SLC4A5: variants seen among roughly 807,000 people sequenced by gnomAD.
The protein encoded by SLC4A5 is electrogenic sodium bicarbonate cotransporter 4.
In SLC4A5, 96 loss-of-function variants were observed where a neutral mutation model predicts 120.4. That is an observed-to-expected ratio of 0.80 (90% CI 0.68 to 0.94). The LOEUF (loss-of-function observed/expected upper bound fraction) is 0.94, where lower values mean the gene tolerates loss of function less well. SLC4A5 is among the 40% of genes least tolerant of loss of function. The probability of loss-of-function intolerance (pLI) is 0.00; values close to 1 mark genes in which losing one functional copy is unlikely to be tolerated. For missense variants in SLC4A5, 1,259 were observed against 1,459.5 expected, an observed-to-expected ratio of 0.86 and a Z score of 2.24; for synonymous variants, 550 against 571.1, an observed-to-expected ratio of 0.96 and a Z score of 0.53.
At position 74,255,199 on chromosome 2, in the gene SLC4A5, G is replaced by A. The variant is rs2104004823; in HGVS notation, c.1026-493C>T. Among the ~76,000 whole-genome samples the A allele has an allele frequency of 6.6e-6, 1 of 152,226 alleles. No individual in the cohort carries two copies. The highest frequency in any genetic ancestry group is 2.4e-5 in the African/African-American group (1 of 41,530). On this transcript the variant is annotated intron_variant, in intron 13 of 30. Coordinates refer to ENST00000394019, the Ensembl canonical transcript of SLC4A5. This position sits in a 1 kb window ranked among gnomAD's most constrained non-coding sequence, Gnocchi z 4.0. Reference sequence around the variant, plus strand: ...ACATTTCCTCTTCCCCTCCCATGAGGCTCCCCCTTGAGCATCCTCACCTTT... The same window carrying A: ...ACATTTCCTCTTCCCCTCCCATGAGACTCCCCCTTGAGCATCCTCACCTTT...
chr2:74,253,675 A>G (rs1420131175), intron 14 of SLC4A5, among the ~76,000 whole-genome samples: 1 of 152,230 alleles, frequency 6.6e-6, no homozygotes, highest in Non-Finnish European at 1.5e-5. Flanking sequence ...TTGAGGCCGA[A>G]GCAAATCTGA....
chr2:74,315,144 A>G, intron 5 of SLC4A5, 119 bp from the exon 6 acceptor site: 1 of 869,024 alleles, frequency 1.2e-6, no homozygotes, highest in Non-Finnish European at 1.9e-6. Context: ...AAAAACTAAG[A>G]CAAAAGGACA....
chr2:74,313,016 CTT>C (rs371111831), intron 6 of SLC4A5, among the ~76,000 whole-genome samples: 13 of 124,584 alleles, frequency 1.0e-4, no homozygotes, highest in Admixed American at 7.9e-5. Context: ...GGCACTTGTC[CTT>C]TTTTTTTTTT....
chr2:74,254,514 A>G (rs1230682944), intron 14 of SLC4A5, 105 bp downstream of exon 14: 29 of 842,808 alleles, frequency 3.4e-5, no homozygotes, highest in Non-Finnish European at 5.9e-5. Context: ...CCTGGTACAC[A>G]GTAGGTGCTC....
At chr2:74,226,832 A>G in intron 27 of SLC4A5, 125 bp downstream of exon 27, 1 of 1,114,606 alleles carries the variant, frequency 9.0e-7, no homozygotes, top group East Asian at 2.4e-5. Flanking sequence ...AGCCTCCGTG[A>G]CCCGAGGGAG....
At chr2:74,242,412 C>T (rs1340365521) in intron 19 of SLC4A5, among the ~76,000 whole-genome samples, 1 of 152,202 alleles carries the variant, frequency 6.6e-6, no homozygotes, top group Non-Finnish European at 1.5e-5. Flanking sequence ...TAAAAATGTT[C>T]AAAGAACTTA....
intron 2 of SLC4A5, among the ~76,000 whole-genome samples, chr2:74,341,994 A>G (rs1268788007): frequency 1.3e-5 from 2 of 152,242 alleles, no homozygotes; most frequent in Non-Finnish European, 2.9e-5. Flanking sequence ...TCCTGTCCTC[A>G]AAACTATATA....
chr2:74,306,789 G>A (rs1672658793), intron 6 of SLC4A5: 1 of 785,184 alleles, frequency 1.3e-6, no homozygotes, highest in Non-Finnish European at 2.1e-6. Flanking sequence ...TATCCAGTGG[G>A]TAGTGTTCTT....
intron 5 of SLC4A5, among the ~76,000 whole-genome samples, chr2:74,316,627 G>C (rs1672973728): frequency 6.6e-6 from 1 of 152,224 alleles, no homozygotes; most frequent in African/African-American, 2.4e-5. Context: ...CAAGGGTTAA[G>C]TTATACACGC....
intron 19 of SLC4A5, among the ~76,000 whole-genome samples, chr2:74,244,462 TTC>T: frequency 1.3e-5 from 1 of 78,454 alleles, no homozygotes; most frequent in East Asian, 4.1e-4. Flanking sequence ...TTCCTTCCTT[TTC>T]TTTCTCTTTC....
At chr2:74,294,072 G>A (rs1401484281) in intron 7 of SLC4A5, among the ~76,000 whole-genome samples, 1 of 152,214 alleles carries the variant, frequency 6.6e-6, no homozygotes, top group Non-Finnish European at 1.5e-5. Flanking sequence ...GGCAGAGCCT[G>A]GCATGTGCAT....
At chr2:74,313,406 G>C (rs1454365614) in intron 6 of SLC4A5, among the ~76,000 whole-genome samples, 2 of 152,178 alleles carry the variant, frequency 1.3e-5, no homozygotes, top group African/African-American at 2.4e-5. Flanking sequence ...ATGCTTTAGA[G>C]AGATGTTGAA....
chr2:74,254,082 A>T (rs192053438), intron 14 of SLC4A5, among the ~76,000 whole-genome samples: 136 of 152,334 alleles, frequency 8.9e-4, no homozygotes, highest in African/African-American at 3.1e-3. Flanking sequence ...GCCAGTGAGT[A>T]TTCTTGGCAC....
At chr2:74,225,259 C>G (rs1352921525) in intron 27 of SLC4A5, among the ~76,000 whole-genome samples, 3 of 152,142 alleles carry the variant, frequency 2.0e-5, no homozygotes, top group African/African-American at 7.2e-5. Context: ...AGTGGGGAGC[C>G]TCAGAAAGGC....
chr2:74,329,312 G>A (rs376552206), intron 4 of SLC4A5, among the ~76,000 whole-genome samples: 3 of 152,068 alleles, frequency 2.0e-5, no homozygotes, highest in Non-Finnish European at 2.9e-5. Context: ...TAAATTGGCC[G>A]GGTGTGGTGG....
At chr2:74,262,098 T>C (rs536021296) in intron 11 of SLC4A5, 39 bp downstream of exon 11, 22 of 1,586,806 alleles carry the variant, frequency 1.4e-5, no homozygotes, top group Middle Eastern at 3.6e-4. Context: ...TGCCACAGCC[T>C]GAATAAAGCT....
chr2:74,278,081 G>T (rs1007296988), intron 8 of SLC4A5, among the ~76,000 whole-genome samples: 1 of 152,158 alleles, frequency 6.6e-6, no homozygotes, highest in Non-Finnish European at 1.5e-5. Flanking sequence ...AAATATACAT[G>T]AATAGGTAAA....
intron 4 of SLC4A5, among the ~76,000 whole-genome samples, chr2:74,329,480 T>C (rs552144733): frequency 6.6e-5 from 10 of 152,136 alleles, no homozygotes; most frequent in Non-Finnish European, 1.2e-4. Flanking sequence ...TCCCAGCTAC[T>C]CAGGAGGCTG....
At chr2:74,237,070 G>A (rs916242556) in intron 21 of SLC4A5, among the ~76,000 whole-genome samples, 2 of 149,794 alleles carry the variant, frequency 1.3e-5, no homozygotes, top group African/African-American at 4.9e-5. Flanking sequence ...TCTGCCTCCC[G>A]GGTTCATGCC....
Sources: allele counts gnomAD v4.1 joint callset (sites outside exome capture counted in the v4.1 genomes callset), GRCh38; gene constraint gnomAD v4.1.1; non-coding constraint Gnocchi (gnomAD v3.1); transcripts MANE v1.5; gene names NCBI Gene and HGNC (gene_info 2026-07-23, HGNC 2026-07-21).